The following SLC10A7 variants were observed in gnomAD, a reference collection of about 807,000 sequenced individuals.
The protein encoded by SLC10A7 is sodium/bile acid cotransporter 7.
In SLC10A7, 29 loss-of-function variants were observed where a neutral mutation model predicts 43.2. The ratio of observed to expected loss-of-function variants is 0.67; its 90% CI spans 0.50 to 0.92. The LOEUF (loss-of-function observed/expected upper bound fraction) is 0.92, where lower values mean the gene tolerates loss of function less well. Ranked by LOEUF, SLC10A7 falls within the 40% of genes least tolerant of loss-of-function variation. The probability of loss-of-function intolerance (pLI) is 0.00; values close to 1 mark genes in which losing one functional copy is unlikely to be tolerated. For synonymous variants in SLC10A7, 152 were observed against 144.8 expected (o/e 1.05, Z -0.35); for missense variants, 295 against 403.2 (o/e 0.73, Z 2.30).
chr4:146,473,918 G>A (rs1341558463), intron 4 of SLC10A7, among the ~76,000 whole-genome samples: 1 of 151,938 alleles, frequency 6.6e-6, no homozygotes, highest in African/African-American at 2.4e-5. Flanking sequence ...AGTATCAAGG[G>A]CTATGGCACT....
rs1028913616 is a variant in SLC10A7, at chr4:146,356,073, T to C, written c.436-30077A>G. Among the ~76,000 whole-genome samples the C allele has an allele frequency of 4.8e-5, 7 of 147,298 alleles. No homozygotes were observed. The East Asian group carries it at 7.9e-4, about 17-fold the overall frequency. On this transcript the variant is annotated intron_variant, in intron 5 of 11. Coordinates refer to ENST00000335472, the MANE Select transcript of SLC10A7 (RefSeq NM_001029998.6). ...AAAAATATATATATATATATACATATATATAGTCTTTTAAAAAGAAAAAGC... is the reference window on the plus strand; with the variant it reads ...AAAAATATATATATATATATACATACATATAGTCTTTTAAAAAGAAAAAGC...
At chr4:146,372,539 C>G (rs1044892171) in intron 5 of SLC10A7, among the ~76,000 whole-genome samples, 1 of 151,846 alleles carries the variant, frequency 6.6e-6, no homozygotes, top group African/African-American at 2.4e-5. Flanking sequence ...TCTCAGAAGT[C>G]AGGTCAATAT....
At chr4:146,449,305 T>C (rs925499527) in intron 4 of SLC10A7, among the ~76,000 whole-genome samples, 2 of 152,010 alleles carry the variant, frequency 1.3e-5, no homozygotes, top group Admixed American at 6.6e-5. Context: ...CAGTAAGCAG[T>C]TGGACAAAGT....
intron 6 of SLC10A7, among the ~76,000 whole-genome samples, chr4:146,309,977 C>T (rs1731847650): frequency 6.6e-6 from 1 of 152,224 alleles, no homozygotes; most frequent in African/African-American, 2.4e-5. Context: ...CTTCCTCCCT[C>T]CCCACTCTAT....
chr4:146,422,460 A>C (rs1729030377), intron 5 of SLC10A7, among the ~76,000 whole-genome samples: 1 of 152,188 alleles, frequency 6.6e-6, no homozygotes, highest in Non-Finnish European at 1.5e-5. Context: ...CTTTTTCAAC[A>C]GAAGTAAAGA....
chr4:146,355,935 T>A (rs1735568176), intron 5 of SLC10A7, among the ~76,000 whole-genome samples: 1 of 150,286 alleles, frequency 6.7e-6, no homozygotes, highest in Non-Finnish European at 1.5e-5. Context: ...ACATACCTAA[T>A]GCTAGATGAC....
intron 4 of SLC10A7, among the ~76,000 whole-genome samples, chr4:146,485,005 C>G (rs1415291690): frequency 6.6e-6 from 1 of 152,098 alleles, no homozygotes; most frequent in African/African-American, 2.4e-5. Flanking sequence ...ATGTGGGGAC[C>G]AGAACAAACT....
rs71640636 is a variant in SLC10A7 at position 146,326,917 on chromosome 4, GACACACACACACACACACACAC to G, written c.436-943_436-922del. 3.4e-4 allele frequency among the ~76,000 whole-genome samples: 50 copies of G among 147,522 alleles called. 1 individual carries two copies. The highest frequency in any genetic ancestry group is 2.9e-3 in the Admixed American group (43 of 14,870). ...GCCTAAGACAGAAAAGAGAGGGACA[GACACACACACACACACACACAC>G]ACACACACACACACACACACACACA... is the stretch of plus-strand genomic sequence containing the variant. On this transcript the variant is annotated intron_variant, in intron 5 of 11. Transcript: ENST00000335472.
intron 4 of SLC10A7, among the ~76,000 whole-genome samples, chr4:146,495,516 T>C (rs1277024655): frequency 1.3e-5 from 2 of 152,226 alleles, no homozygotes; most frequent in African/African-American, 4.8e-5. Context: ...ACTTACAGTC[T>C]CCATTTGGAC....
intron 5 of SLC10A7, among the ~76,000 whole-genome samples, chr4:146,415,288 G>C (rs1043338683): frequency 1.3e-5 from 2 of 152,140 alleles, no homozygotes; most frequent in African/African-American, 2.4e-5. Context: ...CTGGATTCTG[G>C]CTGTGGTTCT....
At chr4:146,441,324 T>C (rs558329551) in intron 5 of SLC10A7, among the ~76,000 whole-genome samples, 1 of 152,322 alleles carries the variant, frequency 6.6e-6, no homozygotes, top group East Asian at 1.9e-4. Context: ...AGAAAAAATA[T>C]GATACATTCA....
At chr4:146,390,871 CA>C (rs373893464) in intron 5 of SLC10A7, among the ~76,000 whole-genome samples, 22 of 139,716 alleles carry the variant, frequency 1.6e-4, no homozygotes, top group African/African-American at 2.1e-4. Context: ...AAAGTTAAAA[CA>C]AAAAAAAAAT....
chr4:146,271,086 G>T (rs1728862592), intron 10 of SLC10A7, among the ~76,000 whole-genome samples: 2 of 152,042 alleles, frequency 1.3e-5, no homozygotes, highest in African/African-American at 4.8e-5. Flanking sequence ...AGAATCTCAG[G>T]TTCTCAGTCC....
chr4:146,289,333 A>G (rs1346480111), intron 9 of SLC10A7, among the ~76,000 whole-genome samples: 2 of 152,208 alleles, frequency 1.3e-5, no homozygotes, highest in Admixed American at 6.5e-5. Context: ...CTGGAAATGT[A>G]CTGATCAGAA....
intron 5 of SLC10A7, among the ~76,000 whole-genome samples, chr4:146,422,591 C>T (rs1374780916): frequency 6.6e-6 from 1 of 152,134 alleles, no homozygotes; most frequent in Non-Finnish European, 1.5e-5. Context: ...TCATGTCAAA[C>T]ATAACTTTCT....
intron 5 of SLC10A7, among the ~76,000 whole-genome samples, chr4:146,360,837 A>G (rs985256921): frequency 6.6e-6 from 1 of 152,110 alleles, no homozygotes; most frequent in African/African-American, 2.4e-5. Flanking sequence ...AAAGAAGTAA[A>G]CTAGGATTCA....
At chr4:146,286,247 CATGTTTGGAGTGG>C (rs1729928025) in intron 9 of SLC10A7, among the ~76,000 whole-genome samples, 12 of 15,954 alleles carry the variant, frequency 7.5e-4, no homozygotes, top group East Asian at 2.9e-3. Context: ...TGAGAAGGAT[CATGTTTGGAGTGG>C]TGAGAAGGAC....
chr4:146,406,585 G>T (rs1727715367), intron 5 of SLC10A7, among the ~76,000 whole-genome samples: 1 of 152,096 alleles, frequency 6.6e-6, no homozygotes, highest in Non-Finnish European at 1.5e-5. Context: ...TAATTATATT[G>T]GAGACCTAAG....
intron 5 of SLC10A7, among the ~76,000 whole-genome samples, chr4:146,423,587 G>A (rs377631036): frequency 5.9e-5 from 9 of 152,190 alleles, no homozygotes; most frequent in Admixed American, 4.6e-4. Context: ...AAACACCAAA[G>A]CGAGGTGGTA....
Sources: allele counts gnomAD v4.1 joint callset (sites outside exome capture counted in the v4.1 genomes callset), GRCh38; gene constraint gnomAD v4.1.1; transcripts MANE v1.5; gene names NCBI Gene and HGNC (gene_info 2026-07-23, HGNC 2026-07-21).